Variants in MAF observed in about 807,000 individuals in gnomAD.
MAF encodes transcription factor Maf.
A neutral mutation model predicts 22.0 loss-of-function variants in MAF; 10 were observed. The observed-to-expected ratio is 0.45, with a 90% CI of 0.28 to 0.77. MAF has a LOEUF of 0.77. Ranked by LOEUF, MAF falls within the 30% of genes least tolerant of loss-of-function variation. The pLI is 0.12. For missense variants in MAF, 544 were observed against 548.4 expected, an observed-to-expected ratio of 0.99 and a Z score of 0.08; for synonymous variants, 337 against 255.8, an observed-to-expected ratio of 1.32 and a Z score of -3.03.
the MAF span, among the ~76,000 whole-genome samples, chr16:79,319,132 T>C: frequency 6.6e-6 from 1 of 152,150 alleles, no homozygotes; most frequent in Admixed American, 6.5e-5. Flanking sequence ...ACACTCCAAA[T>C]ATCCAGGCAG....
the MAF span, among the ~76,000 whole-genome samples, chr16:79,395,411 AAT>A: frequency 6.6e-6 from 1 of 152,202 alleles, no homozygotes; most frequent in Non-Finnish European, 1.5e-5. Context: ...AGAACCTCAG[AAT>A]ATAAGCTTAT....
chr16:79,327,431 T>G, the MAF span, among the ~76,000 whole-genome samples: 1 of 152,160 alleles, frequency 6.6e-6, no homozygotes, highest in East Asian at 1.9e-4. Context: ...TAGTCTCTCT[T>G]GGAGGCAGAT....
chr16:79,503,011 A>T, the MAF span, among the ~76,000 whole-genome samples: 1 of 152,056 alleles, frequency 6.6e-6, no homozygotes, highest in African/African-American at 2.4e-5. Flanking sequence ...GGGTCAAAGT[A>T]TGTAAAAATC....
the MAF span, among the ~76,000 whole-genome samples, chr16:79,489,292 T>C: frequency 6.6e-6 from 1 of 152,140 alleles, no homozygotes; most frequent in Non-Finnish European, 1.5e-5. Context: ...CACTCACACA[T>C]CCATCTATTT....
chr16:79,420,399 C>G, the MAF span, among the ~76,000 whole-genome samples: 1 of 152,308 alleles, frequency 6.6e-6, no homozygotes, highest in East Asian at 1.9e-4. Flanking sequence ...TTGACACGCC[C>G]TTCCCACGCC....
chr16:79,261,652 C>T, the MAF span, among the ~76,000 whole-genome samples: 2 of 152,310 alleles, frequency 1.3e-5, no homozygotes, highest in African/African-American at 4.8e-5. Flanking sequence ...AGAGGGACGG[C>T]CTGCCCCGCC....
At chr16:79,379,461 G>A in the MAF span, among the ~76,000 whole-genome samples, 2 of 151,868 alleles carry the variant, frequency 1.3e-5, no homozygotes, top group Admixed American at 6.6e-5. Flanking sequence ...GTCAGAGGAC[G>A]TAGGAGCAGA....
chr16:79,507,385 G>A, the MAF span, among the ~76,000 whole-genome samples: 1 of 151,544 alleles, frequency 6.6e-6, no homozygotes, highest in East Asian at 1.9e-4. Flanking sequence ...CAAAGTGCTG[G>A]GATTACAGGC....
the MAF span, among the ~76,000 whole-genome samples, chr16:79,341,651 T>C: frequency 6.5e-4 from 99 of 152,296 alleles, 1 homozygote; most frequent in South Asian, 1.0e-3. Flanking sequence ...TTGAAGACTT[T>C]TGAGTAGAGC....
At chr16:79,381,961 A>C in the MAF span, among the ~76,000 whole-genome samples, 1 of 152,180 alleles carries the variant, frequency 6.6e-6, no homozygotes, top group African/African-American at 2.4e-5. Flanking sequence ...TTTTCCTGTT[A>C]AGACGTCAAA....
chr16:79,229,572 G>A, the MAF span: 30 of 152,232 alleles, frequency 2.0e-4, no homozygotes, highest in African/African-American at 7.2e-4. Flanking sequence ...TAAGTGAAGC[G>A]CGGCGTGGAG....
the MAF span, among the ~76,000 whole-genome samples, chr16:79,286,421 C>A: frequency 6.6e-6 from 1 of 152,200 alleles, no homozygotes; most frequent in Non-Finnish European, 1.5e-5. Context: ...CATCAAGTAG[C>A]AGATAGTTTC....
At chr16:79,357,011 C>T in the MAF span, among the ~76,000 whole-genome samples, 11 of 152,100 alleles carry the variant, frequency 7.2e-5, no homozygotes, top group Admixed American at 5.2e-4. Context: ...AATCCCAGCA[C>T]TTTGGGAGGC....
At chr16:79,542,506 C>A in the MAF span, among the ~76,000 whole-genome samples, 1 of 152,176 alleles carries the variant, frequency 6.6e-6, no homozygotes, top group Non-Finnish European at 1.5e-5. Context: ...CCCAGCCACC[C>A]CCCAGACATC....
chr16:79,224,630 C>A, the MAF span, among the ~76,000 whole-genome samples: 1 of 152,124 alleles, frequency 6.6e-6, no homozygotes, highest in African/African-American at 2.4e-5. Flanking sequence ...CAGCCCAAAA[C>A]CTCCTTAAGC....
At chr16:79,270,275 G>A in the MAF span, among the ~76,000 whole-genome samples, 1 of 152,056 alleles carries the variant, frequency 6.6e-6, no homozygotes, top group Admixed American at 6.5e-5. Flanking sequence ...GAGGGCTGCA[G>A]GGGGCTTTTT....
the MAF span, among the ~76,000 whole-genome samples, chr16:79,435,970 A>T: frequency 6.6e-6 from 1 of 152,148 alleles, no homozygotes; most frequent in African/African-American, 2.4e-5. Context: ...CCAAAACCAA[A>T]AGCCCTGTGA....
the MAF span, among the ~76,000 whole-genome samples, chr16:79,460,247 T>G: frequency 6.6e-6 from 1 of 152,212 alleles, no homozygotes; most frequent in Admixed American, 6.5e-5. Context: ...TTTCTTTATT[T>G]TTTCCGGATT....
chr16:79,410,529 T>C, the MAF span, among the ~76,000 whole-genome samples: 1 of 152,196 alleles, frequency 6.6e-6, no homozygotes, highest in African/African-American at 2.4e-5. Flanking sequence ...AATCGTGCCC[T>C]GCGCTGGGTA....
Sources: gnomAD v4.1 joint callset for allele counts (sites outside exome capture counted in the v4.1 genomes callset) on GRCh38, gnomAD v4.1.1 for gene constraint, MANE v1.5 for transcripts, NCBI Gene and HGNC (gene_info 2026-07-23, HGNC 2026-07-21) for gene names.